KCND2: variants seen among roughly 807,000 people sequenced by gnomAD.
KCND2 encodes the protein A-type voltage-gated potassium channel KCND2.
A neutral mutation model predicts 54.4 loss-of-function variants in KCND2; 16 were observed. The observed-to-expected ratio is 0.29, with a 90% CI of 0.20 to 0.45. The LOEUF (loss-of-function observed/expected upper bound fraction) is 0.45. KCND2 is among the 20% of genes least tolerant of loss of function. KCND2 has a pLI of 1.00. For missense variants in KCND2, 486 were observed against 824.2 expected (o/e 0.59, Z 5.02); for synonymous variants, 317 against 310.7 (o/e 1.02, Z -0.21).
intron 1 of KCND2, among the ~76,000 whole-genome samples, chr7:120,563,979 T>A (rs1792266881): frequency 6.6e-6 from 1 of 152,168 alleles, no homozygotes; most frequent in Admixed American, 6.5e-5. Context: ...ATGAGGCAAC[T>A]TAAAGACAAA....
chr7:120,571,553 A>G (rs905956494), intron 1 of KCND2, among the ~76,000 whole-genome samples: 6 of 152,234 alleles, frequency 3.9e-5, no homozygotes, highest in African/African-American at 1.4e-4. Flanking sequence ...TATTCTAGAA[A>G]AACGTGAAGA....
chr7:120,560,897 T>G (rs1792224688), intron 1 of KCND2, among the ~76,000 whole-genome samples: 1 of 152,180 alleles, frequency 6.6e-6, no homozygotes, highest in African/African-American at 2.4e-5. Context: ...AAGTTGTATG[T>G]GACTAGCTCA....
chr7:120,736,609 A>G (rs947827802), intron 2 of KCND2, among the ~76,000 whole-genome samples: 4 of 152,004 alleles, frequency 2.6e-5, no homozygotes, highest in African/African-American at 7.2e-5. Context: ...TAATTATCAT[A>G]TAATAATCAT....
chr7:120,312,980 C>T (rs1001691800), intron 1 of KCND2, among the ~76,000 whole-genome samples: 1 of 152,158 alleles, frequency 6.6e-6, no homozygotes, highest in African/African-American at 2.4e-5. Context: ...ATTCTAGAAG[C>T]ATCTCTAATG....
At chr7:120,387,378 T>C (rs772382137) in intron 1 of KCND2, among the ~76,000 whole-genome samples, 1 of 152,044 alleles carries the variant, frequency 6.6e-6, no homozygotes, top group Admixed American at 6.6e-5. Context: ...GTCAAAAATA[T>C]GAAGATTAAA....
intron 1 of KCND2, among the ~76,000 whole-genome samples, chr7:120,701,889 T>C (rs1055341047): frequency 1.3e-5 from 2 of 152,080 alleles, no homozygotes; most frequent in African/African-American, 4.8e-5. Context: ...ATTCTGGACA[T>C]AGAAAAAAGC....
At chr7:120,412,039 A>G (rs2116110273) in intron 1 of KCND2, among the ~76,000 whole-genome samples, 1 of 152,120 alleles carries the variant, frequency 6.6e-6, no homozygotes, top group East Asian at 1.9e-4. Context: ...ACAATATTGT[A>G]CTACCTTTTA....
At chr7:120,301,063 A>C (rs1361632393) in intron 1 of KCND2, among the ~76,000 whole-genome samples, 1 of 152,140 alleles carries the variant, frequency 6.6e-6, no homozygotes, top group Non-Finnish European at 1.5e-5. Flanking sequence ...AATCTGTAGA[A>C]ATATCTCCAT....
intron 1 of KCND2, among the ~76,000 whole-genome samples, chr7:120,337,942 T>C (rs1462522692): frequency 6.6e-6 from 1 of 152,182 alleles, no homozygotes; most frequent in Admixed American, 6.5e-5. Flanking sequence ...GCTGACATGG[T>C]GCATCAAAAA....
At chr7:120,454,799 A>G (rs887863443) in intron 1 of KCND2, among the ~76,000 whole-genome samples, 4 of 152,172 alleles carry the variant, frequency 2.6e-5, no homozygotes, top group Non-Finnish European at 5.9e-5. Flanking sequence ...TCTCTGTCCA[A>G]AACCTCCTAG....
intron 1 of KCND2, among the ~76,000 whole-genome samples, chr7:120,705,868 T>C (rs941667749): frequency 1.2e-4 from 19 of 152,132 alleles, no homozygotes; most frequent in Non-Finnish European, 2.6e-4. Flanking sequence ...TCCCTTTCTA[T>C]CAGTGCCTTT....
At chr7:120,484,628 TC>T (rs1802664241) in intron 1 of KCND2, among the ~76,000 whole-genome samples, 1 of 151,660 alleles carries the variant, frequency 6.6e-6, no homozygotes, top group Admixed American at 6.6e-5. Context: ...GAGGCTCTTT[TC>T]TTTCTAATAA....
At chr7:120,744,505 G>C (rs1792981109) in intron 4 of KCND2, among the ~76,000 whole-genome samples, 1 of 151,878 alleles carries the variant, frequency 6.6e-6, no homozygotes, top group Non-Finnish European at 1.5e-5. Context: ...TGTAAGAGAA[G>C]GAAACAGATT....
At chr7:120,531,747 A>G (rs1791845569) in intron 1 of KCND2, among the ~76,000 whole-genome samples, 1 of 152,086 alleles carries the variant, frequency 6.6e-6, no homozygotes, top group Admixed American at 6.6e-5. Flanking sequence ...AACACAGTTA[A>G]TTACTCCTTT....
At chr7:120,458,985 T>C (rs980768503) in intron 1 of KCND2, among the ~76,000 whole-genome samples, 1 of 151,434 alleles carries the variant, frequency 6.6e-6, no homozygotes, top group Non-Finnish European at 1.5e-5. Context: ...TCTAATATAT[T>C]ATTATTATTT....
chr7:120,499,679 A>C lies in KCND2; in HGVS notation c.1115+223932A>C, dbSNP rs547988795. On this transcript the variant is annotated intron_variant, in intron 1 of 5. Coordinates refer to ENST00000331113, the MANE Select transcript of KCND2 (RefSeq NM_012281.3). ...AACATACACCCTTTCCTTAAAGCAAATCCTACTTAACTTTCAAGATCCAGC... is the reference window on the plus strand; with the variant it reads ...AACATACACCCTTTCCTTAAAGCAACTCCTACTTAACTTTCAAGATCCAGC... Among the ~76,000 whole-genome samples the C allele has an allele frequency of 3.3e-5, 5 of 152,094 alleles. No individual in the cohort carries two copies. In the South Asian group the frequency reaches 1.0e-3, roughly 32 times the overall value.
intron 1 of KCND2, among the ~76,000 whole-genome samples, chr7:120,647,907 C>T (rs1333230709): frequency 6.6e-6 from 1 of 152,066 alleles, no homozygotes; most frequent in Non-Finnish European, 1.5e-5. Flanking sequence ...AGTATGTATG[C>T]ATATAGATAT....
intron 1 of KCND2, among the ~76,000 whole-genome samples, chr7:120,422,801 A>G (rs1165731827): frequency 2.0e-5 from 3 of 152,082 alleles, no homozygotes; most frequent in African/African-American, 7.2e-5. Context: ...TTTTTCTTGT[A>G]CCCATTAAAA....
At chr7:120,634,792 C>T (rs1055727254) in intron 1 of KCND2, among the ~76,000 whole-genome samples, 1 of 152,176 alleles carries the variant, frequency 6.6e-6, no homozygotes, top group Admixed American at 6.5e-5. Context: ...GTCCAAAGTC[C>T]TGATGAGGCT....
Sources: allele counts gnomAD v4.1 joint callset (sites outside exome capture counted in the v4.1 genomes callset), GRCh38; gene constraint gnomAD v4.1.1; transcripts MANE v1.5; gene names NCBI Gene and HGNC (gene_info 2026-07-23, HGNC 2026-07-21).